Variants in RAPH1 observed in about 807,000 individuals in gnomAD.
The protein encoded by RAPH1 is Ras association (RalGDS/AF-6) and pleckstrin homology domains 1, also known as ras-associated and pleckstrin homology domains-containing protein 1.
In RAPH1, 18 loss-of-function variants were observed where a neutral mutation model predicts 88.1. That is an observed-to-expected ratio of 0.20 (90% confidence interval 0.14 to 0.30). The LOEUF is 0.30. RAPH1 is among the 10% of genes least tolerant of loss of function. The probability of loss-of-function intolerance (pLI) is 1.00; values close to 1 mark genes in which losing one functional copy is unlikely to be tolerated. For synonymous variants in RAPH1, 587 were observed against 559.0 expected, an observed-to-expected ratio of 1.05 and a Z score of -0.71; for missense variants, 1,448 against 1,543.2, an observed-to-expected ratio of 0.94 and a Z score of 1.03.
At chr2:203,497,457 T>A (rs1422187765) in intron 1 of RAPH1, among the ~76,000 whole-genome samples, 1 of 152,156 alleles carries the variant, frequency 6.6e-6, no homozygotes, top group Non-Finnish European at 1.5e-5. Context: ...TCAAGTTAAA[T>A]TTTCAATCTT....
In RAPH1 at chr2:203,506,742, CTATA is replaced by C. The variant is rs71007523; in HGVS notation, c.1-11393_1-11390del. On this transcript the variant is annotated intron_variant, in intron 1 of 13. Coordinates refer to ENST00000319170, the MANE Select transcript of RAPH1 (RefSeq NM_213589.3). ...CTAAAATCCATATATAGATATATAT[CTATA>C]TATATATATATCTATATATATATCT... Among the ~76,000 whole-genome samples the C allele has an allele frequency of 4.5e-4, 50 of 110,842 alleles. 1 individual carries two copies. Among genetic ancestry groups the C allele is most frequent in the African/African-American group, 1.6e-3 (33 of 20,210 alleles). The allele number at this position is 110,842 out of a possible 152,430, so 72.7% of individuals were successfully genotyped here. A position where few individuals can be genotyped will look rare whatever the true frequency, so the allele number is the denominator to read the frequency against.
chr2:203,466,734 A>T (rs2098528768), intron 4 of RAPH1, among the ~76,000 whole-genome samples: 1 of 152,240 alleles, frequency 6.6e-6, no homozygotes, highest in South Asian at 2.1e-4. Context: ...AAAGAGCAAG[A>T]GACAATCTAT....
intron 7 of RAPH1, 84 bp from the exon 8 acceptor site, chr2:203,457,679 C>G: frequency 1.0e-6 from 1 of 979,334 alleles, no homozygotes; most frequent in African/African-American, 1.6e-5. Context: ...ATTCCCTTGG[C>G]ACAGGTGTGT....
At chr2:203,486,109 A>G (rs1687958056) in intron 4 of RAPH1, among the ~76,000 whole-genome samples, 1 of 149,850 alleles carries the variant, frequency 6.7e-6, no homozygotes. Flanking sequence ...AAAAAAAAAG[A>G]AAGAAAAGAA....
intron 1 of RAPH1, among the ~76,000 whole-genome samples, chr2:203,506,487 T>G (rs1364429595): frequency 1.3e-5 from 2 of 150,374 alleles, no homozygotes; most frequent in East Asian, 3.9e-4. Context: ...CACTGCACAC[T>G]CCAGCCTGGG....
At chr2:203,467,565 C>G (rs902670126) in intron 4 of RAPH1, among the ~76,000 whole-genome samples, 4 of 151,984 alleles carry the variant, frequency 2.6e-5, no homozygotes, top group Admixed American at 6.6e-5. Context: ...CACCACTGCA[C>G]TCCAGCCTGG....
chr2:203,457,559 C>A lies in RAPH1; in HGVS notation c.1129G>T (p.Ala377Ser). The A allele has an allele frequency of 6.2e-7, 1 of 1,612,616 alleles. No homozygotes were observed. Among genetic ancestry groups the A allele is most frequent in the East Asian group, 2.2e-5 (1 of 44,874 alleles). ...AAGAGGACTTCTTTGTTTCTATCTG[C>A]CATCTCAGCTGTTTCTTTTTTCCCC... ...LLGKKETAEMADRNKEVLLEE... is the reference protein window; with the variant it reads ...LLGKKETAEMSDRNKEVLLEE... The change falls in exon 8 of 14, where the codon GCA becomes TCA. Residue 377 changes from alanine (A) to serine (S), a missense_variant. Around this residue, in one of 2 missense-constraint regions of RAPH1, gnomAD observed 513 missense variants for 653.1 expected, o/e 0.79. Transcript: ENST00000319170.
At chr2:203,509,054 A>G (rs563027580) in intron 1 of RAPH1, among the ~76,000 whole-genome samples, 1 of 148,144 alleles carries the variant, frequency 6.8e-6, no homozygotes, top group African/African-American at 2.5e-5. Flanking sequence ...AAAAAGAGTC[A>G]TTTAAAAAAT....
At chr2:203,506,846 C>CTATATATATATCTATATATA (rs1277788456) in intron 1 of RAPH1, among the ~76,000 whole-genome samples, 699 of 66,348 alleles carry the variant, frequency 0.011, 72 homozygotes, top group Admixed American at 0.025. Flanking sequence ...ATCTATATAT[C>CTATATATATATCTATATATA]TATCTATATC....
At chr2:203,530,942 T>C (rs2106011917) in intron 1 of RAPH1, among the ~76,000 whole-genome samples, 1 of 151,574 alleles carries the variant, frequency 6.6e-6, no homozygotes, top group South Asian at 2.1e-4. Flanking sequence ...AATATACACA[T>C]GTGTATATAT....
chr2:203,482,332 C>A (rs904862797), intron 4 of RAPH1, among the ~76,000 whole-genome samples: 2 of 152,040 alleles, frequency 1.3e-5, no homozygotes, highest in African/African-American at 4.8e-5. Flanking sequence ...ATTACAGGTG[C>A]CCGCCACCAT....
In RAPH1 at chr2:203,495,249, T is replaced by TA; in HGVS notation, c.104dup (p.Asp36ArgfsTer10). Reference sequence around the variant, plus strand: ...CACTACTCACCTGAGTGAGTTTGTCTAGTTCTCCAAGCCAGGCTCCAAACA... The same window carrying TA: ...CACTACTCACCTGAGTGAGTTTGTCTAAGTTCTCCAAGCCAGGCTCCAAACA... On this transcript the variant is annotated frameshift_variant, in exon 2 of 14. Transcript: ENST00000319170. LOFTEE classifies it high-confidence loss of function. The TA allele has an allele frequency of 6.2e-7, 1 of 1,614,110 alleles. No individual in the cohort carries two copies. Among genetic ancestry groups the TA allele is most frequent in the Non-Finnish European group, 8.5e-7 (1 of 1,180,004 alleles).
intron 4 of RAPH1, among the ~76,000 whole-genome samples, chr2:203,466,205 G>C (rs539848755): frequency 6.6e-6 from 1 of 152,300 alleles, no homozygotes; most frequent in East Asian, 1.9e-4. Flanking sequence ...TGAAGAAACA[G>C]AACTGATCAT....
In RAPH1 at chr2:203,434,452, C is replaced by T. The variant is rs940849835; in HGVS notation, c.*4985G>A. On this transcript the variant is annotated 3_prime_UTR_variant, in exon 14 of 14. Coordinates refer to ENST00000319170, the MANE Select transcript of RAPH1 (RefSeq NM_213589.3). ...AACACTTAGCACAAGCTAATTTTAT[C>T]TTAAATGTACATCTCTGTAAGAGTT... 2 of 152,160 alleles carry T rather than the reference C, an allele frequency of 1.3e-5. No homozygotes were observed. Among genetic ancestry groups the T allele is most frequent in the African/African-American group, 4.8e-5 (2 of 41,292 alleles). 9.4% of individuals were successfully genotyped at this position (152,160 alleles called of 1,614,324 possible).
At chr2:203,475,291 C>T (rs748995948) in intron 4 of RAPH1, among the ~76,000 whole-genome samples, 1 of 152,062 alleles carries the variant, frequency 6.6e-6, no homozygotes, top group Non-Finnish European at 1.5e-5. Context: ...CCTGTAGTCT[C>T]ACCTACTTGG....
At chr2:203,444,779 A>G (rs2098507950) in intron 13 of RAPH1, 89 bp downstream of exon 13, 2 of 1,217,030 alleles carry the variant, frequency 1.6e-6, no homozygotes, top group Admixed American at 4.2e-5. Context: ...AGGCCAAATA[A>G]GATCCCCGAT....
At chr2:203,468,495 C>T (rs2098530425) in intron 4 of RAPH1, among the ~76,000 whole-genome samples, 2 of 152,188 alleles carry the variant, frequency 1.3e-5, no homozygotes, top group African/African-American at 4.8e-5. Flanking sequence ...CTGATCTCAT[C>T]ATCTAAATAA....
At position 203,435,994 on chromosome 2, in the gene RAPH1, C is replaced by T. The variant is rs565474070; in HGVS notation, c.*3443G>A. 5 of 152,270 alleles carry T rather than the reference C, an allele frequency of 3.3e-5. No individual in the cohort carries two copies. The highest frequency in any genetic ancestry group is 9.6e-5 in the African/African-American group (4 of 41,560). 9.4% of individuals were successfully genotyped at this position (152,270 alleles called of 1,614,324 possible). A position where few individuals can be genotyped will look rare whatever the true frequency, so the allele number is the denominator to read the frequency against. ...TCTCCCAGAATAGCAGCAAATAAAA[C>T]TTGAATTGGATGTACAGCTCCTAAT... On this transcript the variant is annotated 3_prime_UTR_variant, in exon 14 of 14. Coordinates refer to ENST00000319170, the MANE Select transcript of RAPH1 (RefSeq NM_213589.3).
At chr2:203,514,565 G>GT (rs1158581647) in intron 1 of RAPH1, among the ~76,000 whole-genome samples, 2 of 151,640 alleles carry the variant, frequency 1.3e-5, no homozygotes, top group Admixed American at 6.6e-5. Flanking sequence ...GGGTTTTTTT[G>GT]TTTTTTTAAG....
Sources: gnomAD v4.1 joint callset for allele counts (sites outside exome capture counted in the v4.1 genomes callset) on GRCh38, gnomAD v4.1.1 for gene constraint, gnomAD v4.1.1 regional missense constraint, MANE v1.5 for transcripts, NCBI Gene and HGNC (gene_info 2026-07-23, HGNC 2026-07-21) for gene names.